RBFOX1: variants seen among roughly 807,000 people sequenced by gnomAD.
RBFOX1 encodes the protein RNA binding fox-1 homolog 1, also known as RNA binding protein fox-1 homolog 1.
In RBFOX1, 8 loss-of-function variants were observed where a neutral mutation model predicts 57.7. That is an observed-to-expected ratio of 0.14 (90% CI 0.08 to 0.25). The LOEUF is 0.25. RBFOX1 is among the 10% of genes least tolerant of loss of function. RBFOX1 has a pLI of 1.00. For missense variants in RBFOX1, 611 were observed against 548.5 expected (o/e 1.11, Z -1.14); for synonymous variants, 326 against 222.4 (o/e 1.47, Z -4.15).
chr16:6,689,043 G>T (rs2059850989), intron 3 of RBFOX1, among the ~76,000 whole-genome samples: 1 of 152,146 alleles, frequency 6.6e-6, no homozygotes, highest in African/African-American at 2.4e-5. Flanking sequence ...ATTATTGATG[G>T]GCATTTGGGT....
chr16:6,344,805 C>G (rs2085117639), intron 2 of RBFOX1, among the ~76,000 whole-genome samples: 2 of 150,832 alleles, frequency 1.3e-5, no homozygotes, highest in South Asian at 2.1e-4. Flanking sequence ...ATTCTCCTGC[C>G]TCAGCCTCCC....
rs182279330 is a variant in RBFOX1 at position 5,381,070 on chromosome 16, A to G, written c.220-86146A>G. ...GCCTCGTAGACCATGAGTCATTTAC[A>G]CCATAGTGTGAAATAGATACGCCAC... On this transcript the variant is annotated intron_variant, in intron 1 of 2. Transcript: ENST00000585867. 2.0e-3 allele frequency among the ~76,000 whole-genome samples: 298 copies of G among 152,318 alleles called. 1 individual carries two copies. Among genetic ancestry groups the G allele is most frequent in the African/African-American group, 7.0e-3 (290 of 41,574 alleles).
rs111334770 is a variant in RBFOX1 at position 6,242,224 on chromosome 16, T to C, written c.-126-74771T>C. Among the ~76,000 whole-genome samples the C allele has an allele frequency of 1.3e-3, 195 of 152,194 alleles. 1 individual carries two copies. The highest frequency in any genetic ancestry group is 4.5e-3 in the African/African-American group (187 of 41,536). ...CAGTACTATAAGACTGATAAGTACA[T>C]TCTCTCTATATATAAGTATATGTTG... On this transcript the variant is annotated intron_variant, in intron 1 of 15. Transcript: ENST00000550418.
At chr16:7,708,896 C>T (rs1443155892) in intron 14 of RBFOX1, among the ~76,000 whole-genome samples, 160 bp from the exon 15 acceptor site, 1 of 152,166 alleles carries the variant, frequency 6.6e-6, no homozygotes, top group East Asian at 1.9e-4. Context: ...GTATCATGTA[C>T]AGATGAACTC....
At chr16:7,334,943 G>A (rs2096759092) in intron 4 of RBFOX1, among the ~76,000 whole-genome samples, 2 of 152,188 alleles carry the variant, frequency 1.3e-5, no homozygotes, top group African/African-American at 4.8e-5. Flanking sequence ...TTAGTGAGGA[G>A]CCTCTAGACC....
At chr16:5,615,294 G>A (rs907946527) in intron 3 of RBFOX1, among the ~76,000 whole-genome samples, 11 of 152,126 alleles carry the variant, frequency 7.2e-5, no homozygotes, top group Non-Finnish European at 1.5e-4. Flanking sequence ...GCCTCCCAAA[G>A]CACTGGGATT....
intron 1 of RBFOX1, among the ~76,000 whole-genome samples, chr16:5,282,940 G>C (rs1354430878): frequency 6.6e-6 from 1 of 152,194 alleles, no homozygotes; most frequent in Non-Finnish European, 1.5e-5. Context: ...CTTCATGGCA[G>C]CCCCACCCAT....
intron 2 of RBFOX1, among the ~76,000 whole-genome samples, chr16:5,482,191 C>G (rs1404692894): frequency 6.6e-6 from 1 of 152,072 alleles, no homozygotes; most frequent in African/African-American, 2.4e-5. Context: ...TTTGTAAGAC[C>G]TTTTGTTCCA....
chr16:6,666,901 A>G (rs569349165), intron 3 of RBFOX1, among the ~76,000 whole-genome samples: 44 of 152,302 alleles, frequency 2.9e-4, no homozygotes, highest in African/African-American at 1.4e-4. Flanking sequence ...CCACAGAACC[A>G]TCAAAATGCT....
intron 4 of RBFOX1, among the ~76,000 whole-genome samples, chr16:7,418,118 C>T (rs966327067): frequency 6.6e-6 from 1 of 152,156 alleles, no homozygotes; most frequent in African/African-American, 2.4e-5. Flanking sequence ...ACCTCTCCCC[C>T]ACGGCCAACC....
intron 4 of RBFOX1, among the ~76,000 whole-genome samples, chr16:7,234,864 A>T (rs1343391444): frequency 6.6e-6 from 1 of 152,082 alleles, no homozygotes; most frequent in East Asian, 1.9e-4. Flanking sequence ...TTTAATGGAT[A>T]ACAATTTTGT....
At chr16:7,298,393 A>G (rs1300936735) in intron 4 of RBFOX1, among the ~76,000 whole-genome samples, 1 of 145,794 alleles carries the variant, frequency 6.9e-6, no homozygotes, top group Non-Finnish European at 1.5e-5. Context: ...GGTTCAAGTG[A>G]TTCTCATGCG....
chr16:5,919,195 G>A (rs564516331), intron 4 of RBFOX1, among the ~76,000 whole-genome samples: 21 of 152,266 alleles, frequency 1.4e-4, no homozygotes, highest in Non-Finnish European at 2.9e-4. Context: ...GTGAAGGTCA[G>A]GCTGACCATA....
At chr16:5,876,735 A>C (rs2057621952) in intron 4 of RBFOX1, among the ~76,000 whole-genome samples, 1 of 152,210 alleles carries the variant, frequency 6.6e-6, no homozygotes, top group Admixed American at 6.5e-5. Context: ...GTTTAAGATC[A>C]AAAGATGTGC....
At chr16:7,594,163 C>T (rs1321750315) in intron 7 of RBFOX1, among the ~76,000 whole-genome samples, 4 of 148,268 alleles carry the variant, frequency 2.7e-5, no homozygotes, top group Admixed American at 6.8e-5. Flanking sequence ...GTGTGATGTT[C>T]CCCGCCCTGT....
At chr16:7,193,597 C>A (rs796932318) in intron 4 of RBFOX1, among the ~76,000 whole-genome samples, 1 of 152,172 alleles carries the variant, frequency 6.6e-6, no homozygotes, top group East Asian at 1.9e-4. Flanking sequence ...CGTCCTTGAT[C>A]CAATGAGGCA....
At chr16:7,304,238 G>T (rs1326900499) in intron 4 of RBFOX1, 14 of 983,556 alleles carry the variant, frequency 1.4e-5, no homozygotes, top group Admixed American at 6.2e-5. Flanking sequence ...GAGAGAGAGA[G>T]AGAGAGAGAC....
At chr16:7,657,121 A>G (rs2066502818) in intron 12 of RBFOX1, among the ~76,000 whole-genome samples, 1 of 152,142 alleles carries the variant, frequency 6.6e-6, no homozygotes, top group Non-Finnish European at 1.5e-5. Flanking sequence ...ATACCAGTCA[A>G]AAAGGTGTCC....
intron 1 of RBFOX1, among the ~76,000 whole-genome samples, chr16:5,248,057 G>A (rs1056896993): frequency 6.6e-5 from 10 of 152,170 alleles, no homozygotes; most frequent in African/African-American, 2.2e-4. Flanking sequence ...TCCTAAGATG[G>A]GTCTCCAGGC....
Sources: gnomAD v4.1 joint callset for allele counts (sites outside exome capture counted in the v4.1 genomes callset) on GRCh38, gnomAD v4.1.1 for gene constraint, MANE v1.5 for transcripts, NCBI Gene and HGNC (gene_info 2026-07-23, HGNC 2026-07-21) for gene names.